CTNNA3: variants seen among roughly 807,000 people sequenced by gnomAD.
CTNNA3 encodes the protein catenin alpha-3.
In CTNNA3, 76 loss-of-function variants were observed where a neutral mutation model predicts 95.7. The ratio of observed to expected loss-of-function variants is 0.79; its 90% CI spans 0.66 to 0.96. The LOEUF is 0.96. Among genes scored for constraint, CTNNA3 ranks in the 40% least tolerant of loss-of-function variants. CTNNA3 has a pLI of 0.00. For missense variants in CTNNA3, 1,191 were observed against 1,089.8 expected, an observed-to-expected ratio of 1.09 and a Z score of -1.31; for synonymous variants, 431 against 374.4, an observed-to-expected ratio of 1.15 and a Z score of -1.74.
chr10:66,648,058 T>C (rs919126210), intron 9 of CTNNA3, among the ~76,000 whole-genome samples: 8 of 152,194 alleles, frequency 5.3e-5, no homozygotes, highest in Non-Finnish European at 1.0e-4. Context: ...TTATCTTTGA[T>C]ATGATTCCTC....
At chr10:66,434,591 A>G (rs1211964642) in intron 11 of CTNNA3, among the ~76,000 whole-genome samples, 3 of 152,146 alleles carry the variant, frequency 2.0e-5, no homozygotes, top group Admixed American at 6.5e-5. Flanking sequence ...TCATCTGCAA[A>G]CAGAGACAAT....
At chr10:67,587,526 A>G (rs1842672869) in intron 3 of CTNNA3, among the ~76,000 whole-genome samples, 3 of 152,084 alleles carry the variant, frequency 2.0e-5, no homozygotes, top group Admixed American at 2.0e-4. Context: ...AGCACTTTGA[A>G]TATATCATGC....
intron 13 of CTNNA3, among the ~76,000 whole-genome samples, chr10:66,221,799 G>A (rs923086858): frequency 3.0e-4 from 46 of 152,270 alleles, no homozygotes; most frequent in African/African-American, 8.7e-4. Context: ...TGCTGGGAGC[G>A]GGGGAATCTC....
chr10:66,966,204 T>C (rs1471596146), intron 7 of CTNNA3, among the ~76,000 whole-genome samples: 2 of 152,180 alleles, frequency 1.3e-5, no homozygotes, highest in African/African-American at 4.8e-5. Context: ...TCAGCATTAA[T>C]AAACGAAAAC....
intron 5 of CTNNA3, among the ~76,000 whole-genome samples, chr10:67,341,295 CT>C (rs997554653): frequency 4.0e-5 from 6 of 151,384 alleles, no homozygotes; most frequent in South Asian, 2.1e-4. Flanking sequence ...ATTCTTTCTA[CT>C]TTTTTTTTGT....
chr10:67,656,886 A>C (rs1840039922), intron 1 of CTNNA3, among the ~76,000 whole-genome samples: 1 of 152,190 alleles, frequency 6.6e-6, no homozygotes, highest in African/African-American at 2.4e-5. Flanking sequence ...GATCATAAGA[A>C]CTATTGCAGA....
intron 10 of CTNNA3, among the ~76,000 whole-genome samples, chr10:66,540,601 A>G (rs1841815426): frequency 6.6e-6 from 1 of 152,098 alleles, no homozygotes; most frequent in South Asian, 2.1e-4. Flanking sequence ...CATAAAAAGC[A>G]GTATCTTTAG....
intron 11 of CTNNA3, among the ~76,000 whole-genome samples, chr10:66,519,534 T>A (rs1283645094): frequency 6.6e-6 from 1 of 152,118 alleles, no homozygotes; most frequent in Admixed American, 6.6e-5. Flanking sequence ...CAAAGTCATC[T>A]CTCTGCTCAG....
intron 7 of CTNNA3, among the ~76,000 whole-genome samples, chr10:66,961,455 C>T (rs1050870322): frequency 2.0e-5 from 3 of 152,188 alleles, no homozygotes; most frequent in Admixed American, 6.5e-5. Context: ...TTCAAGCATG[C>T]CACTCACTGG....
At chr10:66,801,409 G>A (rs1342528494) in intron 7 of CTNNA3, among the ~76,000 whole-genome samples, 1 of 151,354 alleles carries the variant, frequency 6.6e-6, no homozygotes, top group African/African-American at 2.4e-5. Flanking sequence ...TAACTAGTAA[G>A]TTTAGCCAGA....
At chr10:67,481,777 C>T (rs1848240765) in intron 5 of CTNNA3, among the ~76,000 whole-genome samples, 1 of 152,150 alleles carries the variant, frequency 6.6e-6, no homozygotes, top group African/African-American at 2.4e-5. Context: ...TCAATTTTGG[C>T]TTTTGTTGTC....
intron 5 of CTNNA3, among the ~76,000 whole-genome samples, chr10:67,480,772 T>C (rs138917900): frequency 6.6e-6 from 1 of 152,158 alleles, no homozygotes; most frequent in East Asian, 1.9e-4. Context: ...AGCTCCCTGA[T>C]TCCCACTTTG....
At chr10:66,783,954 G>T (rs1223952404) in intron 7 of CTNNA3, among the ~76,000 whole-genome samples, 5 of 152,056 alleles carry the variant, frequency 3.3e-5, no homozygotes, top group Non-Finnish European at 7.4e-5. Context: ...GGGTTTTATG[G>T]CGTTTGAATA....
intron 5 of CTNNA3, among the ~76,000 whole-genome samples, chr10:67,299,391 G>A (rs1840175430): frequency 6.6e-6 from 1 of 152,074 alleles, no homozygotes; most frequent in Non-Finnish European, 1.5e-5. Flanking sequence ...TTTAGAATAT[G>A]ATCAAGATCT....
In CTNNA3 at chr10:67,385,718, C is replaced by T. The variant is rs540575532; in HGVS notation, c.579+136124G>A. 1.6e-4 allele frequency among the ~76,000 whole-genome samples: 25 copies of T among 152,010 alleles called. No individual in the cohort carries two copies. The East Asian group carries it at 4.4e-3, about 27-fold the overall frequency. ...GCATGTGAAACTTGAGCATTCTGAG[C>T]GCAAAGCAACAGCACCATCAGAGCA... On this transcript the variant is annotated intron_variant, in intron 5 of 17. Coordinates refer to ENST00000433211, the MANE Select transcript of CTNNA3 (RefSeq NM_013266.4).
chr10:66,815,520 C>T (rs4357588), intron 7 of CTNNA3, among the ~76,000 whole-genome samples: 129,741 of 152,138 alleles, frequency 0.85, 55,859 homozygotes, highest in East Asian at 1. Flanking sequence ...TTATTTGACA[C>T]GATTTGAAAT....
chr10:67,576,058 T>G (rs879737638), intron 3 of CTNNA3, among the ~76,000 whole-genome samples: 1 of 152,188 alleles, frequency 6.6e-6, no homozygotes, highest in Non-Finnish European at 1.5e-5. Flanking sequence ...ACTTTAGGAC[T>G]TGCTGATTCA....
At chr10:67,336,274 C>T (rs946719400) in intron 5 of CTNNA3, among the ~76,000 whole-genome samples, 1 of 152,092 alleles carries the variant, frequency 6.6e-6, no homozygotes, top group Non-Finnish European at 1.5e-5. Flanking sequence ...ATGAAAGAAA[C>T]TGTAGCAGGT....
chr10:66,405,955 A>T (rs1248074474), intron 11 of CTNNA3, among the ~76,000 whole-genome samples: 1 of 152,180 alleles, frequency 6.6e-6, no homozygotes, highest in Non-Finnish European at 1.5e-5. Context: ...GCATCCTTTC[A>T]GACTGCTTTG....
Sources: gnomAD v4.1 joint callset for allele counts (sites outside exome capture counted in the v4.1 genomes callset) on GRCh38, gnomAD v4.1.1 for gene constraint, MANE v1.5 for transcripts, NCBI Gene and HGNC (gene_info 2026-07-23, HGNC 2026-07-21) for gene names.